Variants in DDR2 observed in about 807,000 individuals in gnomAD.
The protein encoded by DDR2 is discoidin domain-containing receptor 2.
In DDR2, 27 loss-of-function variants were observed where a neutral mutation model predicts 94.9. The observed-to-expected ratio is 0.28, with a 90% CI of 0.21 to 0.39. The LOEUF is 0.39. DDR2 is among the 10% of genes least tolerant of loss of function. The pLI is 1.00. For missense variants in DDR2, 783 were observed against 1,076.0 expected, an observed-to-expected ratio of 0.73 and a Z score of 3.81; for synonymous variants, 382 against 377.2, an observed-to-expected ratio of 1.01 and a Z score of -0.15.
At chr1:162,654,752 G>T (rs1318602247) in intron 1 of DDR2, among the ~76,000 whole-genome samples, 1 of 152,118 alleles carries the variant, frequency 6.6e-6, no homozygotes, top group Non-Finnish European at 1.5e-5. Flanking sequence ...AGTGTACGGT[G>T]GAGTTTTCCA....
intron 2 of DDR2, among the ~76,000 whole-genome samples, chr1:162,660,702 A>C (rs948616885): frequency 1.3e-5 from 2 of 152,216 alleles, no homozygotes; most frequent in Non-Finnish European, 1.5e-5. Context: ...TTCCCTCCTG[A>C]GAGTGACACT....
In DDR2 at chr1:162,782,119, T is replaced by G. The variant is rs943701467; in HGVS notation, c.*1873T>G. 6.6e-6 allele frequency: 1 copy of G among 152,244 alleles called. No homozygotes were observed. 9.4% of individuals were successfully genotyped at this position (152,244 alleles called of 1,614,324 possible). On this transcript the variant is annotated 3_prime_UTR_variant, in exon 18 of 18. Transcript: ENST00000367921. ...ACTAACTGTGGAGAAATCATTGGTT[T>G]GAGAGTCAAGAGAGCATTGGTTTGG...
intron 14 of DDR2, among the ~76,000 whole-genome samples, chr1:162,773,816 C>T (rs1647366553): frequency 1.3e-5 from 2 of 152,164 alleles, no homozygotes; most frequent in Non-Finnish European, 2.9e-5. Context: ...ATTGTACTTG[C>T]CACATATTTA....
At chr1:162,697,654 C>T (rs1660252365) in intron 2 of DDR2, among the ~76,000 whole-genome samples, 1 of 152,122 alleles carries the variant, frequency 6.6e-6, no homozygotes, top group African/African-American at 2.4e-5. Context: ...AGACCAGCTC[C>T]AGTTGTTTAA....
At chr1:162,769,136 G>A (rs967842104) in intron 11 of DDR2, among the ~76,000 whole-genome samples, 1 of 152,194 alleles carries the variant, frequency 6.6e-6, no homozygotes, top group Non-Finnish European at 1.5e-5. Flanking sequence ...TCTGAGGCCT[G>A]TTGGAATATC....
At chr1:162,656,781 G>A (rs1006145440) in intron 2 of DDR2, among the ~76,000 whole-genome samples, 1 of 138,346 alleles carries the variant, frequency 7.2e-6, no homozygotes, top group African/African-American at 2.7e-5. Flanking sequence ...GATTTGTTCC[G>A]CTTTACCTTT....
intron 3 of DDR2, among the ~76,000 whole-genome samples, chr1:162,727,617 T>C (rs1038172167): frequency 1.3e-5 from 2 of 149,640 alleles, no homozygotes; most frequent in Admixed American, 6.7e-5. Context: ...TCCCTCTTCT[T>C]ATTCATCAAA....
At chr1:162,779,227 G>A (rs889811565) in intron 17 of DDR2, among the ~76,000 whole-genome samples, 1 of 152,148 alleles carries the variant, frequency 6.6e-6, no homozygotes, top group Non-Finnish European at 1.5e-5. Flanking sequence ...TCTGGGCCCA[G>A]TATTGTGACA....
intron 1 of DDR2, among the ~76,000 whole-genome samples, chr1:162,644,397 G>A (rs899555563): frequency 2.6e-5 from 4 of 152,186 alleles, no homozygotes; most frequent in Admixed American, 6.5e-5. Context: ...GAAGTACTAC[G>A]ATGCTATTTA....
intron 3 of DDR2, among the ~76,000 whole-genome samples, chr1:162,741,883 A>G (rs1662630716): frequency 6.6e-6 from 1 of 152,232 alleles, no homozygotes; most frequent in African/African-American, 2.4e-5. Context: ...ACTCAGCGAC[A>G]TGTAAGATCA....
chr1:162,720,933 C>A (rs1275236947), intron 3 of DDR2, among the ~76,000 whole-genome samples: 2 of 152,166 alleles, frequency 1.3e-5, no homozygotes, highest in Non-Finnish European at 2.9e-5. Context: ...GAAATATGAT[C>A]AAACATCCTT....
intron 2 of DDR2, among the ~76,000 whole-genome samples, chr1:162,658,836 A>ATAAATAAATAAATAAATAAATAAG (rs1658154070): frequency 6.6e-6 from 1 of 150,692 alleles, no homozygotes; most frequent in Non-Finnish European, 1.5e-5. Context: ...CAAAAAATAA[A>ATAAATAAATAAATAAATAAATAAG]TAAATAAATA....
Position 162,780,447 on chromosome 1 carries a change from TA to T in DDR2, c.*207del, listed in dbSNP as rs1647841258. 4.9e-6 allele frequency: 3 copies of T among 610,406 alleles called. No homozygotes were observed. Among genetic ancestry groups the T allele is most frequent in the Non-Finnish European group, 7.8e-6 (3 of 382,940 alleles). The allele number at this position is 610,406 out of a possible 1,614,324, so 37.8% of individuals were successfully genotyped here. On this transcript the variant is annotated 3_prime_UTR_variant, in exon 18 of 18. Coordinates refer to ENST00000367921, the MANE Select transcript of DDR2 (RefSeq NM_006182.4). Reference sequence around the variant, plus strand: ...TTTTTTTTTTTTTACATTAAAGAACTAAAAAAGGAAAAAAAAAAGCCTAGGG... The same window carrying T: ...TTTTTTTTTTTTTACATTAAAGAACTAAAAAGGAAAAAAAAAAGCCTAGGG...
chr1:162,656,584 C>G (rs2101910990), intron 2 of DDR2, among the ~76,000 whole-genome samples: 1 of 151,802 alleles, frequency 6.6e-6, no homozygotes, highest in South Asian at 2.1e-4. Flanking sequence ...CTTCCTTCCT[C>G]CCTCCTTTCC....
chr1:162,723,497 G>T (rs1280058915), intron 3 of DDR2, among the ~76,000 whole-genome samples: 1 of 152,154 alleles, frequency 6.6e-6, no homozygotes. Context: ...TGTTTCAGTG[G>T]TTAGTGGGGA....
At chr1:162,725,570 G>C (rs918854058) in intron 3 of DDR2, among the ~76,000 whole-genome samples, 1 of 151,968 alleles carries the variant, frequency 6.6e-6, no homozygotes. Context: ...GTAGAGAAGG[G>C]GTTTTGCCAT....
intron 7 of DDR2, 28 bp downstream of exon 7, chr1:162,755,797 G>A: frequency 6.4e-7 from 1 of 1,568,360 alleles, no homozygotes; most frequent in Non-Finnish European, 8.8e-7. Flanking sequence ...TTATTAGAAT[G>A]GGAAATTGGC....
At chr1:162,771,359 A>G (rs1664258129) in intron 12 of DDR2, among the ~76,000 whole-genome samples, 1 of 152,202 alleles carries the variant, frequency 6.6e-6, no homozygotes, top group Non-Finnish European at 1.5e-5. Context: ...AGAGCATAGG[A>G]TTTTATAGGA....
intron 17 of DDR2, among the ~76,000 whole-genome samples, chr1:162,779,133 T>C (rs1438355071): frequency 6.6e-6 from 1 of 152,196 alleles, no homozygotes; most frequent in Non-Finnish European, 1.5e-5. Context: ...ATGGGGTTGG[T>C]TTTGACTATC....
Sources: gnomAD v4.1 joint callset for allele counts (sites outside exome capture counted in the v4.1 genomes callset) on GRCh38, gnomAD v4.1.1 for gene constraint, MANE v1.5 for transcripts, NCBI Gene and HGNC (gene_info 2026-07-23, HGNC 2026-07-21) for gene names.